ARHGEF28: variants seen among roughly 807,000 people sequenced by gnomAD.
ARHGEF28 encodes Rho guanine nucleotide exchange factor 28.
ARHGEF28 carries 152 observed loss-of-function variants against 206.6 expected under a neutral mutation model. The ratio of observed to expected loss-of-function variants is 0.74; its 90% CI spans 0.64 to 0.84. The LOEUF (loss-of-function observed/expected upper bound fraction) is 0.84. Among genes scored for constraint, ARHGEF28 ranks in the 40% least tolerant of loss-of-function variants. The pLI is 0.00. For missense variants in ARHGEF28, 2,028 were observed against 2,073.2 expected (o/e 0.98, Z 0.42); for synonymous variants, 763 against 776.4 (o/e 0.98, Z 0.29).
At chr5:73,853,677 C>A (rs1047507474) in intron 14 of ARHGEF28, among the ~76,000 whole-genome samples, 1 of 152,102 alleles carries the variant, frequency 6.6e-6, no homozygotes, top group African/African-American at 2.4e-5. Context: ...ATAGCAAAAG[C>A]AGTAATTACT....
At chr5:73,661,589 GA>G (rs1745600883) in intron 1 of ARHGEF28, among the ~76,000 whole-genome samples, 1 of 152,096 alleles carries the variant, frequency 6.6e-6, no homozygotes, top group African/African-American at 2.4e-5. Flanking sequence ...TGAAGTGAGA[GA>G]CATGCAACTC....
rs559570751 is a variant in ARHGEF28, at chr5:73,870,166, T to C, written c.2523T>C (p.Asn841=). 2.5e-6 allele frequency: 4 copies of C among 1,613,902 alleles called. No homozygotes were observed. In the South Asian group the frequency reaches 3.3e-5, roughly 13 times the overall value. ...TTGTGGTGGATCCCTCATTTTGTAA[T>C]AGGCAGGAGAAGGATGTCATCAAAA... ...WSLVVDPSFC[N]RQEKDVIKRQ... is the part of the protein sequence containing the mutation. Residue 841 remains asparagine, a synonymous_variant, in exon 21 of 36, where the codon AAT becomes AAC. Coordinates refer to ENST00000513042, the MANE Select transcript of ARHGEF28 (RefSeq NM_001177693.2).
intron 9 of ARHGEF28, among the ~76,000 whole-genome samples, chr5:73,798,022 C>T (rs986182937): frequency 6.6e-6 from 1 of 151,996 alleles, no homozygotes; most frequent in Non-Finnish European, 1.5e-5. Flanking sequence ...GAGTAAGTTC[C>T]CTTTGTGGTG....
intron 9 of ARHGEF28, among the ~76,000 whole-genome samples, chr5:73,827,659 G>A (rs187085023): frequency 1.6e-4 from 25 of 152,238 alleles, no homozygotes; most frequent in Non-Finnish European, 3.1e-4. Flanking sequence ...TGCAACACAC[G>A]AGTGTTTTTC....
chr5:73,830,263 A>G (rs1219353186), intron 9 of ARHGEF28, among the ~76,000 whole-genome samples: 3 of 152,150 alleles, frequency 2.0e-5, no homozygotes, highest in East Asian at 3.9e-4. Context: ...AGTTAAGACA[A>G]TGTAGACTGG....
At chr5:73,794,976 T>C (rs1754718208) in intron 8 of ARHGEF28, among the ~76,000 whole-genome samples, 1 of 152,228 alleles carries the variant, frequency 6.6e-6, no homozygotes, top group Non-Finnish European at 1.5e-5. Context: ...TGAGTTGTAG[T>C]TGTATATGCA....
chr5:73,857,599 G>T, intron 14 of ARHGEF28, 57 bp from the exon 15 acceptor site: 1 of 1,509,056 alleles, frequency 6.6e-7, no homozygotes, highest in Non-Finnish European at 9.0e-7. Flanking sequence ...ACACACACAC[G>T]TATATGCTAT....
rs569900181 is a variant in ARHGEF28, at chr5:73,629,318, C to A, written c.-12+2996C>A. 4.6e-5 allele frequency among the ~76,000 whole-genome samples: 7 copies of A among 151,840 alleles called. No individual in the cohort carries two copies. The South Asian group carries it at 1.5e-3, about 32-fold the overall frequency. Reference sequence around the variant, plus strand: ...TTCAAGACCAGCCTGGGCAACATGGCAAAACCCTGTCTCTACAAAAAAAAT... The same window carrying A: ...TTCAAGACCAGCCTGGGCAACATGGAAAAACCCTGTCTCTACAAAAAAAAT... On this transcript the variant is annotated intron_variant, in intron 1 of 35. Transcript: ENST00000513042.
intron 2 of ARHGEF28, among the ~76,000 whole-genome samples, chr5:73,733,012 G>C (rs1225305497): frequency 6.6e-6 from 1 of 151,952 alleles, no homozygotes; most frequent in Non-Finnish European, 1.5e-5. Flanking sequence ...ATTTCAATAG[G>C]TTTTGGGGAA....
chr5:73,939,571 C>G (rs1742461900), intron 35 of ARHGEF28, among the ~76,000 whole-genome samples: 1 of 152,222 alleles, frequency 6.6e-6, no homozygotes, highest in South Asian at 2.1e-4. Flanking sequence ...CCTCCAGGGA[C>G]CTTCATCGGC....
In ARHGEF28 at chr5:73,852,685, G is replaced by C. The variant is rs755710278; in HGVS notation, c.1783G>C (p.Glu595Gln). ...RAYSLSEPPRENRIQEEEWDK... is the reference protein window; with the variant it reads ...RAYSLSEPPRQNRIQEEEWDK... Reference sequence around the variant, plus strand: ...TTACAGCTTATCGGAGCCACCAAGAGAAAACAGGTACTTTTAACTATTCCA... The same window carrying C: ...TTACAGCTTATCGGAGCCACCAAGACAAAACAGGTACTTTTAACTATTCCA... Residue 595 changes from glutamate to glutamine, a missense_variant, in exon 14 of 36, where the codon GAA becomes CAA. Transcript: ENST00000513042. The C allele has an allele frequency of 2.5e-6, 4 of 1,613,648 alleles. No individual in the cohort carries two copies. The highest frequency in any genetic ancestry group is 3.4e-6 in the Non-Finnish European group (4 of 1,179,660).
At chr5:73,802,870 C>CTGTGTG (rs561505395) in intron 9 of ARHGEF28, among the ~76,000 whole-genome samples, 2,081 of 122,026 alleles carry the variant, frequency 0.017, 23 homozygotes, top group African/African-American at 0.024. Flanking sequence ...AGCTCGATTG[C>CTGTGTG]TGTGTGTGTG....
intron 20 of ARHGEF28, among the ~76,000 whole-genome samples, chr5:73,868,501 A>T (rs535431781): frequency 5.3e-5 from 8 of 152,294 alleles, no homozygotes; most frequent in Admixed American, 3.9e-4. Flanking sequence ...AATGAATGAA[A>T]TATATTGTGT....
At chr5:73,837,330 A>G (rs1338883002) in intron 10 of ARHGEF28, among the ~76,000 whole-genome samples, 3 of 152,166 alleles carry the variant, frequency 2.0e-5, no homozygotes, top group African/African-American at 7.2e-5. Context: ...CTTCTAATCC[A>G]TGAACATAGG....
chr5:73,916,500 C>G (rs531945504), intron 35 of ARHGEF28, among the ~76,000 whole-genome samples: 35 of 152,338 alleles, frequency 2.3e-4, no homozygotes, highest in Middle Eastern at 6.8e-3. Flanking sequence ...TCCGAGGCCT[C>G]TCTCCTTGAC....
At chr5:73,705,990 TAC>T (rs1178671226) in intron 2 of ARHGEF28, among the ~76,000 whole-genome samples, 1 of 152,184 alleles carries the variant, frequency 6.6e-6, no homozygotes, top group Non-Finnish European at 1.5e-5. Flanking sequence ...ATTATGCTGG[TAC>T]ACTTAGCTGA....
Position 73,794,654 on chromosome 5 carries a change from T to C in ARHGEF28, c.963+200T>C, listed in dbSNP as rs189107410. 6.2e-4 allele frequency among the ~76,000 whole-genome samples: 94 copies of C among 150,660 alleles called. 3 individuals are homozygous for C. The East Asian group carries it at 0.018, about 29-fold the overall frequency. On this transcript the variant is annotated intron_variant, in intron 8 of 35. Transcript: ENST00000513042. ...TGGAGCCTCGCTCTGTCACCCAGGC[T>C]GGAGTACAGTGGCACGATCTTGGCT...
rs115734022 is a variant in ARHGEF28 at position 73,698,999 on chromosome 5, A to G, written c.33+14115A>G. 7.8e-3 allele frequency among the ~76,000 whole-genome samples: 1,191 copies of G among 152,134 alleles called. 14 individuals are homozygous for G. Among genetic ancestry groups the G allele is most frequent in the African/African-American group, 0.027 (1,131 of 41,508 alleles). Reference sequence around the variant, plus strand: ...CATGTCTTCAGCCTCTACCTGCATCACCACATTATATGATGGTCCTTGTGT... The same window carrying G: ...CATGTCTTCAGCCTCTACCTGCATCGCCACATTATATGATGGTCCTTGTGT... On this transcript the variant is annotated intron_variant, in intron 2 of 35. Coordinates refer to ENST00000513042, the MANE Select transcript of ARHGEF28 (RefSeq NM_001177693.2).
chr5:73,737,330 A>G (rs931579771), intron 2 of ARHGEF28, among the ~76,000 whole-genome samples: 2 of 149,516 alleles, frequency 1.3e-5, no homozygotes, highest in Admixed American at 6.7e-5. Flanking sequence ...TCCTATTTCA[A>G]CTAAGCTCCA....
Sources: allele counts gnomAD v4.1 joint callset (sites outside exome capture counted in the v4.1 genomes callset), GRCh38; gene constraint gnomAD v4.1.1; transcripts MANE v1.5; gene names NCBI Gene and HGNC (gene_info 2026-07-23, HGNC 2026-07-21).